The following USP31 variants were observed in gnomAD, a reference collection of about 807,000 sequenced individuals.
The protein encoded by USP31 is ubiquitin carboxyl-terminal hydrolase 31.
USP31 carries 44 observed loss-of-function variants against 119.4 expected under a neutral mutation model. The ratio of observed to expected loss-of-function variants is 0.37; its 90% CI spans 0.29 to 0.47. USP31 has a LOEUF of 0.47. USP31 is among the 20% of genes least tolerant of loss of function. USP31 has a pLI of 0.99. For synonymous variants in USP31, 749 were observed against 705.6 expected (o/e 1.06, Z -0.97); for missense variants, 1,643 against 1,730.2 (o/e 0.95, Z 0.89).
intron 9 of USP31, among the ~76,000 whole-genome samples, chr16:23,086,163 C>A (rs1260496625): frequency 6.6e-6 from 1 of 152,116 alleles, no homozygotes; most frequent in Non-Finnish European, 1.5e-5. Flanking sequence ...CCTGAGAAAC[C>A]CAGAACTCAG....
At chr16:23,117,670 T>C (rs1359298009) in intron 1 of USP31, among the ~76,000 whole-genome samples, 1 of 152,008 alleles carries the variant, frequency 6.6e-6, no homozygotes, top group Non-Finnish European at 1.5e-5. Flanking sequence ...TGCTAGAAAC[T>C]ATGCAGTAGA....
At chr16:23,122,800 T>C (rs1232559633) in intron 1 of USP31, among the ~76,000 whole-genome samples, 1 of 151,898 alleles carries the variant, frequency 6.6e-6, no homozygotes, top group East Asian at 1.9e-4. Context: ...TCCAGGGAAA[T>C]AGGGAGTGAC....
At position 23,069,223 on chromosome 16, in the gene USP31, C is replaced by T. The variant is rs777351027; in HGVS notation, c.2882G>A (p.Ser961Asn). Residue 961 changes from serine to asparagine, a missense_variant, in exon 16 of 16, where the codon AGT becomes AAT. Physicochemically the swap from Ser to Asn is conservative, Grantham distance 46. This residue lies in a region of USP31 where 699 missense variants were observed against 650.9 expected (regional missense o/e 1.07). Coordinates refer to ENST00000219689, the MANE Select transcript of USP31 (RefSeq NM_020718.4). ...ATGTTTGCTCTGTGTATCTACGACA[C>T]TGGAGTTCAATCTGCGGGTGTCCGA... ...DESDTRRLNS[S>N]VVDTQSKHSA... 3.7e-6 allele frequency: 6 copies of T among 1,614,112 alleles called. No homozygotes were observed. In the African/African-American group the frequency reaches 6.7e-5, roughly 18 times the overall value.
At chr16:23,118,850 G>A (rs1370409441) in intron 1 of USP31, among the ~76,000 whole-genome samples, 3 of 151,822 alleles carry the variant, frequency 2.0e-5, no homozygotes, top group Admixed American at 6.6e-5. Flanking sequence ...GCTCATGCCT[G>A]TAATCCCAGC....
At chr16:23,146,089 T>C (rs1373210186) in intron 1 of USP31, among the ~76,000 whole-genome samples, 2 of 152,256 alleles carry the variant, frequency 1.3e-5, no homozygotes, top group East Asian at 1.9e-4. Context: ...GCAATGGAAA[T>C]GTTCACATAC....
rs555380492 is a variant in USP31, at chr16:23,149,100, A to AGAGGAGGGC, written c.162_170dup (p.Pro55_Ser57dup). The AGAGGAGGGC allele has an allele frequency of 1.5e-3, 1,847 of 1,271,678 alleles. 19 individuals are homozygous for AGAGGAGGGC. The African/African-American group carries it at 0.022, about 15-fold the overall frequency. 78.8% of individuals were successfully genotyped at this position (1,271,678 alleles called of 1,614,324 possible). On this transcript the variant is annotated inframe_insertion, in exon 1 of 16. Coordinates refer to ENST00000219689, the MANE Select transcript of USP31 (RefSeq NM_020718.4). ...TCATGAAGCTGCCCACCGAGCGTGC[A>AGAGGAGGGC]GAGGAGGGCGAGGAGGGCGAGGAAG...
intron 1 of USP31, among the ~76,000 whole-genome samples, chr16:23,109,625 G>A (rs1902239629): frequency 6.6e-6 from 1 of 152,120 alleles, no homozygotes; most frequent in South Asian, 2.1e-4. Context: ...GGAAAGAGGA[G>A]TAGAAAGTAA....
rs1005816222 is a variant in USP31, at chr16:23,067,449, C to A, written c.*597G>T. 2.0e-5 allele frequency: 3 copies of A among 152,680 alleles called. No individual in the cohort carries two copies. The highest frequency in any genetic ancestry group is 7.2e-5 in the African/African-American group (3 of 41,468). The allele number at this position is 152,680 out of a possible 1,614,324, so 9.5% of individuals were successfully genotyped here. ...CTTTAATCCATTTACTGGTGTGCAA[C>A]CATCCTAGACTAGCTGAGTATATAC... On this transcript the variant is annotated 3_prime_UTR_variant, in exon 16 of 16. Coordinates refer to ENST00000219689, the MANE Select transcript of USP31 (RefSeq NM_020718.4).
chr16:23,099,568 G>C (rs1352485817), intron 6 of USP31, among the ~76,000 whole-genome samples: 3 of 151,994 alleles, frequency 2.0e-5, no homozygotes, highest in Non-Finnish European at 2.9e-5. Flanking sequence ...TAATATAAGA[G>C]CTAAAACTAT....
chr16:23,075,729 A>G (rs1372302397), intron 13 of USP31, among the ~76,000 whole-genome samples: 1 of 152,206 alleles, frequency 6.6e-6, no homozygotes, highest in African/African-American at 2.4e-5. Flanking sequence ...TCCTTACACA[A>G]TCGATTATAT....
At chr16:23,118,943 A>G (rs1396321417) in intron 1 of USP31, among the ~76,000 whole-genome samples, 1 of 152,002 alleles carries the variant, frequency 6.6e-6, no homozygotes, top group East Asian at 1.9e-4. Flanking sequence ...ACTGCACTCC[A>G]GCCTGGGTGA....
Position 23,068,193 on chromosome 16 carries a change from G to A in USP31, c.3912C>T (p.Ser1304=), listed in dbSNP as rs558208219. 43 of 1,614,192 alleles carry A rather than the reference G, an allele frequency of 2.7e-5. No homozygotes were observed. In the South Asian group the frequency reaches 4.3e-4, roughly 16 times the overall value. The part of the protein sequence containing the change: ...VTKDPASAKH[S]LLSARKSKSS... The stretch of plus-strand genomic sequence containing the variant: ...ACTTGGATTTGCGAGCGGACAGCAG[G>A]GAATGTTTGGCAGAAGCAGGGTCCT... Residue 1304 remains serine, a synonymous_variant, in exon 16 of 16, where the codon TCC becomes TCT. Coordinates refer to ENST00000219689, the MANE Select transcript of USP31 (RefSeq NM_020718.4).
intron 1 of USP31, among the ~76,000 whole-genome samples, chr16:23,114,713 G>C (rs1265121810): frequency 6.6e-6 from 1 of 152,058 alleles, no homozygotes; most frequent in Non-Finnish European, 1.5e-5. Flanking sequence ...ATGTTTGTTG[G>C]GCACGACCCA....
At chr16:23,077,565 C>A (rs1158033995) in intron 13 of USP31, among the ~76,000 whole-genome samples, 1 of 152,104 alleles carries the variant, frequency 6.6e-6, no homozygotes, top group African/African-American at 2.4e-5. Flanking sequence ...CAGGATTGGC[C>A]AGACCCCACC....
chr16:23,071,910 C>T (rs1350607110), intron 15 of USP31, 135 bp downstream of exon 15: 1 of 1,204,612 alleles, frequency 8.3e-7, no homozygotes, highest in Non-Finnish European at 1.2e-6. Flanking sequence ...CACAGCTACA[C>T]AGCTCCACTC....
chr16:23,104,451 C>A (rs1273970766), intron 5 of USP31, among the ~76,000 whole-genome samples: 1 of 152,232 alleles, frequency 6.6e-6, no homozygotes, highest in Admixed American at 6.5e-5. Flanking sequence ...ACCACCGAAG[C>A]CTCGCTCCCT....
At chr16:23,088,365 C>T (rs993863367) in intron 7 of USP31, among the ~76,000 whole-genome samples, 1 of 152,184 alleles carries the variant, frequency 6.6e-6, no homozygotes, top group African/African-American at 2.4e-5. Context: ...ACCAAAATCA[C>T]AAGAGGAGCT....
intron 1 of USP31, among the ~76,000 whole-genome samples, chr16:23,113,961 T>G (rs1381113138): frequency 6.6e-6 from 1 of 152,014 alleles, no homozygotes; most frequent in Non-Finnish European, 1.5e-5. Context: ...AGAAGTTAGC[T>G]AGGCATGGTG....
rs1900240723 is a variant in USP31, at chr16:23,069,243, G to A, written c.2862C>T (p.Asp954=). Residue 954 remains aspartate (D), a synonymous_variant, in exon 16 of 16, where the codon GAC becomes GAT. Transcript: ENST00000219689. The stretch of plus-strand genomic sequence containing the variant: ...CGACACTGGAGTTCAATCTGCGGGT[G>A]TCCGATTCGTCTTTGAACACGCCTT... ...VMEGVFKDES[D]TRRLNSSVVD... 1.2e-6 allele frequency: 2 copies of A among 1,614,158 alleles called. No individual in the cohort carries two copies. The highest frequency in any genetic ancestry group is 1.1e-5 in the South Asian group (1 of 91,066).
Sources: gnomAD v4.1 joint callset for allele counts (sites outside exome capture counted in the v4.1 genomes callset) on GRCh38, gnomAD v4.1.1 for gene constraint, gnomAD v4.1.1 regional missense constraint, MANE v1.5 for transcripts, NCBI Gene and HGNC (gene_info 2026-07-23, HGNC 2026-07-21) for gene names.